Variants in RNFT1 observed in about 807,000 individuals in gnomAD.
The protein encoded by RNFT1 is ring finger protein, transmembrane 1.
RNFT1 carries 35 observed loss-of-function variants against 53.2 expected under a neutral mutation model. The observed-to-expected ratio is 0.66, with a 90% CI of 0.50 to 0.87. RNFT1 has a LOEUF of 0.87. Ranked by LOEUF, RNFT1 falls within the 40% of genes least tolerant of loss-of-function variation. The probability of loss-of-function intolerance (pLI) is 0.00; values close to 1 mark genes in which losing one functional copy is unlikely to be tolerated. For synonymous variants in RNFT1, 141 were observed against 172.8 expected, an observed-to-expected ratio of 0.82 and a Z score of 1.44; for missense variants, 421 against 515.0, an observed-to-expected ratio of 0.82 and a Z score of 1.77.
chr17:59,956,487 C>A lies in RNFT1; in HGVS notation c.1071+1G>T. ...TTTCTTAACTGATAAAAAGTACTTA[C>A]TGGTTGTGTAAAAAATATTCGTAAA... On this transcript the variant is annotated splice_donor_variant, in intron 7 of 8. Transcript: ENST00000305783. LOFTEE classifies it high-confidence loss of function. 1 of 1,609,104 alleles carries A rather than the reference C, an allele frequency of 6.2e-7. No individual in the cohort carries two copies. The highest frequency in any genetic ancestry group is 1.1e-5 in the South Asian group (1 of 90,298).
At position 59,958,282 on chromosome 17, in the gene RNFT1, GT is replaced by G. The variant is rs746789047; in HGVS notation, c.846+8del. 1.3e-6 allele frequency: 2 copies of G among 1,586,046 alleles called. No individual in the cohort carries two copies. The highest frequency in any genetic ancestry group is 8.5e-7 in the Non-Finnish European group (1 of 1,173,410). On this transcript the variant is annotated splice_region_variant and intron_variant, in intron 5 of 8. Transcript: ENST00000305783. ...CATCACTCCAATAAAGCATAAGTGA[GT>G]TTCTTACCTTAGATTTAAAAGGCAT...
chr17:59,953,997 C>T (rs757980471), intron 8 of RNFT1, 48 bp downstream of exon 8: 1 of 1,174,726 alleles, frequency 8.5e-7, no homozygotes, highest in African/African-American at 1.6e-5. Flanking sequence ...TTTTGCAAGT[C>T]ACAGAGAACT....
rs1438200572 is a variant in RNFT1, at chr17:59,952,789, CATT to C, written c.*185_*187del. On this transcript the variant is annotated 3_prime_UTR_variant, in exon 9 of 9. Transcript: ENST00000305783. ...AATGTTGCATATACATTAGGTTGAACATTATATATATTTTAAAACACAGGGTGG... is the reference window on the plus strand; with the variant it reads ...AATGTTGCATATACATTAGGTTGAACATATATATTTTAAAACACAGGGTGG... The C allele has an allele frequency of 2.0e-6, 1 of 492,326 alleles. No homozygotes were observed. Among genetic ancestry groups the C allele is most frequent in the Non-Finnish European group, 3.6e-6 (1 of 280,434 alleles). 30.5% of individuals were successfully genotyped at this position (492,326 alleles called of 1,614,324 possible).
chr17:59,958,665 A>G, intron 4 of RNFT1: 1 of 589,316 alleles, frequency 1.7e-6, no homozygotes, highest in Non-Finnish European at 3.2e-6. Context: ...ATAAGGAAAA[A>G]GTCTTCACGG....
In RNFT1 at chr17:59,963,157, A is replaced by G. The variant is rs1355281106; in HGVS notation, c.184T>C (p.Cys62Arg). The G allele has an allele frequency of 6.2e-7, 1 of 1,614,246 alleles. No individual in the cohort carries two copies. Among genetic ancestry groups the G allele is most frequent in the Non-Finnish European group, 8.5e-7 (1 of 1,180,044 alleles). Residue 62 changes from cysteine (C) to arginine (R), a missense_variant, in exon 2 of 9, where the codon TGT becomes CGT. Transcript: ENST00000305783. ...TCTCCTGTCAATCTTGTGTGGACAC[A>G]CTGAGGGGTTGAGGCATCCTCACTG... ...GSSEDASTPQ[C>R]VHTRLTGEGS...
intron 8 of RNFT1, 116 bp downstream of exon 8, chr17:59,953,918 CCCTGAATGCTA>C: frequency 1.7e-6 from 1 of 596,962 alleles, no homozygotes; most frequent in Non-Finnish European, 2.9e-6. Context: ...CTAGTATGTA[CCCTGAATGCTA>C]CCTTCCACTA....
chr17:59,957,289 C>T lies in RNFT1; in HGVS notation c.940G>A (p.Glu314Lys), dbSNP rs1340316796. ...CTCCATCTAGTTACGTTACCAAACTCCCCATAGCTTATAAGGTAGCGAAAC... is the reference window on the plus strand; with the variant it reads ...CTCCATCTAGTTACGTTACCAAACTTCCCATAGCTTATAAGGTAGCGAAAC... ...VWFRYLISYGEFGNVTRWSLG... is the reference protein window; with the variant it reads ...VWFRYLISYGKFGNVTRWSLG... Residue 314 changes from glutamate (E) to lysine (K), a missense_variant, in exon 6 of 9, where the codon GAG becomes AAG. Coordinates refer to ENST00000305783, the MANE Select transcript of RNFT1 (RefSeq NM_016125.4). 1 of 1,613,894 alleles carries T rather than the reference C, an allele frequency of 6.2e-7. No homozygotes were observed. The highest frequency in any genetic ancestry group is 1.7e-5 in the Admixed American group (1 of 59,992).
chr17:59,957,471 T>A, intron 5 of RNFT1, 89 bp from the exon 6 acceptor site: 1 of 788,150 alleles, frequency 1.3e-6, no homozygotes, highest in South Asian at 2.4e-5. Flanking sequence ...CTGAGTATAT[T>A]ATACAATAAT....
In RNFT1 at chr17:59,957,254, T is replaced by C. The variant is rs767347823; in HGVS notation, c.975A>G (p.Ile325Met). Residue 325 changes from isoleucine (I) to methionine (M), a missense_variant, in exon 6 of 9, where the codon ATA becomes ATG. Ile to Met is a conservative substitution (Grantham distance 10). Transcript: ENST00000305783. ...FGNVTRWSLGILLALLYLILK... is the reference protein window; with the variant it reads ...FGNVTRWSLGMLLALLYLILK... Reference sequence around the variant, plus strand: ...ATATGAGGTAGAGTAAAGCCAGCAGTATCCCAAGACTCCATCTAGTTACGT... The same window carrying C: ...ATATGAGGTAGAGTAAAGCCAGCAGCATCCCAAGACTCCATCTAGTTACGT... 2 of 1,613,664 alleles carry C rather than the reference T, an allele frequency of 1.2e-6. No individual in the cohort carries two copies. The highest frequency in any genetic ancestry group is 1.7e-5 in the Admixed American group (1 of 59,924).
At position 59,964,737 on chromosome 17, in the gene RNFT1, C is replaced by T. The variant is rs1344612448; in HGVS notation, c.-74G>A. On this transcript the variant is annotated 5_prime_UTR_variant, in exon 1 of 9. Coordinates refer to ENST00000305783, the MANE Select transcript of RNFT1 (RefSeq NM_016125.4). Reference sequence around the variant, plus strand: ...AGCTCTTCTCTCAGCCCGGCGGCAACGGCGGCGGCGCGCGCGCTCCCCGGA... The same window carrying T: ...AGCTCTTCTCTCAGCCCGGCGGCAATGGCGGCGGCGCGCGCGCTCCCCGGA... 9 of 1,444,940 alleles carry T rather than the reference C, an allele frequency of 6.2e-6. No homozygotes were observed. Among genetic ancestry groups the T allele is most frequent in the African/African-American group, 1.5e-5 (1 of 67,852 alleles). The allele number at this position is 1,444,940 out of a possible 1,614,324, so 89.5% of individuals were successfully genotyped here.
chr17:59,957,832 G>A (rs537220038), intron 5 of RNFT1, among the ~76,000 whole-genome samples: 2 of 152,148 alleles, frequency 1.3e-5, no homozygotes, highest in South Asian at 2.1e-4. Flanking sequence ...GCAACAGAGC[G>A]AGAGACAATC....
rs200572570 is a variant in RNFT1 at position 59,954,118 on chromosome 17, T to A, written c.1100A>T (p.Gln367Leu). ...ACAAATATCATCCACATCTGAACAC[T>A]GTCTCTTGCTGGCAGCCACTCCATA... ...PSYGVAASKRQCSDVDDICSI... is the reference protein window; with the variant it reads ...PSYGVAASKRLCSDVDDICSI... Residue 367 changes from glutamine (Q) to leucine (L), a missense_variant, in exon 8 of 9, where the codon CAG (glutamine) becomes CTG (leucine). Gln to Leu is a moderately radical substitution (Grantham distance 113, BLOSUM62 -2). Coordinates refer to ENST00000305783, the MANE Select transcript of RNFT1 (RefSeq NM_016125.4). The A allele has an allele frequency of 1.4e-5, 23 of 1,601,552 alleles. No individual in the cohort carries two copies. The highest frequency in any genetic ancestry group is 1.9e-5 in the Non-Finnish European group (22 of 1,176,096).
At chr17:59,959,942 T>G in intron 4 of RNFT1, 126 bp downstream of exon 4, 6 of 909,276 alleles carry the variant, frequency 6.6e-6, no homozygotes, top group Non-Finnish European at 6.1e-6. Flanking sequence ...CTCTCGCTTA[T>G]GAAAGGAGAA....
At chr17:59,962,763 A>T (rs2045303937) in intron 2 of RNFT1, 64 bp downstream of exon 2, 1 of 1,460,352 alleles carries the variant, frequency 6.8e-7, no homozygotes, top group East Asian at 2.3e-5. Context: ...GTAGATTACC[A>T]ATAATGAAAG....
intron 4 of RNFT1, chr17:59,958,713 A>C (rs1406641696): frequency 2.0e-6 from 1 of 507,100 alleles, no homozygotes; most frequent in Non-Finnish European, 3.8e-6. Flanking sequence ...TGTAAATGAA[A>C]AAAACTCATC....
chr17:59,958,701 C>T (rs1450289790), intron 4 of RNFT1: 1 of 522,726 alleles, frequency 1.9e-6, no homozygotes. Flanking sequence ...ACCTTTCTAG[C>T]CTGTAAATGA....
intron 6 of RNFT1, 68 bp downstream of exon 6, chr17:59,957,156 A>T: frequency 2.8e-6 from 4 of 1,439,126 alleles, no homozygotes; most frequent in Non-Finnish European, 3.8e-6. Context: ...TAAAAGAGGA[A>T]AACAGTAGTA....
intron 5 of RNFT1, 80 bp downstream of exon 5, chr17:59,958,211 G>A: frequency 7.3e-7 from 1 of 1,374,132 alleles, no homozygotes; most frequent in Admixed American, 2.7e-5. Flanking sequence ...TGCAAAAGGA[G>A]GATTCATTTA....
intron 6 of RNFT1, 106 bp downstream of exon 6, chr17:59,957,118 G>A: frequency 1.8e-6 from 2 of 1,090,840 alleles, no homozygotes; most frequent in Non-Finnish European, 2.6e-6. Context: ...CTTCAAACTA[G>A]TGATATGAAG....
Sources: gnomAD v4.1 joint callset for allele counts (sites outside exome capture counted in the v4.1 genomes callset) on GRCh38, gnomAD v4.1.1 for gene constraint, MANE v1.5 for transcripts, NCBI Gene and HGNC (gene_info 2026-07-23, HGNC 2026-07-21) for gene names.